The following SGCD variants were observed in gnomAD, a reference collection of about 807,000 sequenced individuals.
SGCD encodes delta-sarcoglycan.
A neutral mutation model predicts 36.6 loss-of-function variants in SGCD; 18 were observed. The observed-to-expected ratio is 0.49, with a 90% CI of 0.34 to 0.73. The LOEUF (loss-of-function observed/expected upper bound fraction) is 0.73, where lower values mean the gene tolerates loss of function less well. SGCD is among the 30% of genes least tolerant of loss of function. The probability of loss-of-function intolerance (pLI) is 0.01; values close to 1 mark genes in which losing one functional copy is unlikely to be tolerated. For synonymous variants in SGCD, 133 were observed against 130.6 expected (o/e 1.02, Z -0.12); for missense variants, 387 against 346.7 (o/e 1.12, Z -0.92).
chr5:156,553,103 G>C (rs552248193), intron 4 of SGCD, among the ~76,000 whole-genome samples: 110 of 152,248 alleles, frequency 7.2e-4, no homozygotes, highest in Non-Finnish European at 1.2e-3. Context: ...TGAAGCAAGA[G>C]AGGTGGAGAG....
intron 3 of SGCD, among the ~76,000 whole-genome samples, chr5:156,426,306 A>G (rs1361889969): frequency 1.3e-5 from 2 of 151,964 alleles, no homozygotes; most frequent in African/African-American, 4.8e-5. Flanking sequence ...TGTGGTTTTG[A>G]TTTGCATTTC....
intron 7 of SGCD, among the ~76,000 whole-genome samples, chr5:156,657,164 A>G (rs1763717511): frequency 6.6e-6 from 1 of 151,986 alleles, no homozygotes; most frequent in African/African-American, 2.4e-5. Flanking sequence ...AGGCTTGGTA[A>G]TTCTCCGCAC....
At chr5:156,759,071 C>A in intron 8 of SGCD, 146 bp from the exon 9 acceptor site, 1 of 625,932 alleles carries the variant, frequency 1.6e-6, no homozygotes, top group Non-Finnish European at 2.9e-6. Flanking sequence ...TGTTGGTATC[C>A]AAATCCCCAG....
At chr5:156,132,933 A>T (rs902863964) in intron 3 of SGCD, among the ~76,000 whole-genome samples, 2 of 152,200 alleles carry the variant, frequency 1.3e-5, no homozygotes, top group Non-Finnish European at 1.5e-5. Flanking sequence ...GTGAAAAGAG[A>T]AGAATCTGGC....
chr5:155,777,912 G>T, the SGCD span, among the ~76,000 whole-genome samples: 13,892 of 152,152 alleles, frequency 0.091, 815 homozygotes, highest in South Asian at 0.2. Context: ...TCCAGCCACA[G>T]ACATTTTCTT....
At chr5:156,479,812 C>T (rs771401514) in intron 3 of SGCD, among the ~76,000 whole-genome samples, 4 of 152,182 alleles carry the variant, frequency 2.6e-5, no homozygotes, top group Non-Finnish European at 5.9e-5. Context: ...TGACACAAAT[C>T]ACCCATTCAC....
At chr5:156,413,921 G>A (rs909413177) in intron 3 of SGCD, among the ~76,000 whole-genome samples, 3 of 152,130 alleles carry the variant, frequency 2.0e-5, no homozygotes, top group African/African-American at 7.2e-5. Context: ...CAGTACTGAG[G>A]TTTTGGAGAT....
chr5:156,657,504 T>G (rs1442340955), intron 7 of SGCD, among the ~76,000 whole-genome samples: 1 of 150,534 alleles, frequency 6.6e-6, no homozygotes, highest in East Asian at 2.0e-4. Context: ...GGCTCATGCC[T>G]ATGATCCCAG....
intron 1 of SGCD, among the ~76,000 whole-genome samples, chr5:156,056,295 A>G (rs1329852474): frequency 6.8e-6 from 1 of 146,220 alleles, no homozygotes; most frequent in Non-Finnish European, 1.5e-5. Flanking sequence ...CCCTTTACTG[A>G]AACAAATCCC....
chr5:156,647,580 T>C, intron 7 of SGCD, 44 bp downstream of exon 7: 1 of 1,271,002 alleles, frequency 7.9e-7, no homozygotes, highest in Non-Finnish European at 1.1e-6. Flanking sequence ...GGCTATTGCC[T>C]TGCTCTGTGC....
intron 1 of SGCD, among the ~76,000 whole-genome samples, chr5:155,945,728 G>A (rs1757424761): frequency 6.6e-6 from 1 of 152,206 alleles, no homozygotes; most frequent in African/African-American, 2.4e-5. Context: ...AGAAGAGGAG[G>A]TGGATGGCGA....
intron 1 of SGCD, among the ~76,000 whole-genome samples, chr5:156,093,630 T>C (rs2127594877): frequency 6.6e-6 from 1 of 152,306 alleles, no homozygotes; most frequent in African/African-American, 2.4e-5. Flanking sequence ...CCCAGTTTGA[T>C]TGGGATCCCA....
chr5:156,542,749 T>C (rs920673845), intron 4 of SGCD, among the ~76,000 whole-genome samples: 12 of 152,162 alleles, frequency 7.9e-5, no homozygotes, highest in African/African-American at 2.9e-4. Context: ...CCTCAATCTC[T>C]ATTCTTTGCT....
intron 3 of SGCD, among the ~76,000 whole-genome samples, chr5:156,261,626 A>G (rs1246146644): frequency 6.6e-6 from 1 of 152,134 alleles, no homozygotes; most frequent in Non-Finnish European, 1.5e-5. Flanking sequence ...CTTTCTATTT[A>G]TATATAAAAA....
upstream of SGCD, among the ~76,000 whole-genome samples, chr5:155,868,056 C>CT (rs796673246): frequency 5.6e-4 from 82 of 145,770 alleles, 1 homozygote; most frequent in East Asian, 2.2e-3. Context: ...TGAAGATGAT[C>CT]TTTTTTTTTT....
chr5:156,119,974 G>A (rs1761995762), intron 2 of SGCD, among the ~76,000 whole-genome samples: 1 of 152,140 alleles, frequency 6.6e-6, no homozygotes, highest in Admixed American at 6.6e-5. Flanking sequence ...ACTCTCCCAT[G>A]CAGACACTGG....
chr5:156,258,900 G>GT (rs991295585), intron 3 of SGCD, among the ~76,000 whole-genome samples: 3 of 151,964 alleles, frequency 2.0e-5, no homozygotes, highest in African/African-American at 7.2e-5. Flanking sequence ...CCTTAAGAGA[G>GT]TAAAGGGGTT....
chr5:156,303,949 A>T (rs1767128949), intron 3 of SGCD, among the ~76,000 whole-genome samples: 1 of 151,422 alleles, frequency 6.6e-6, no homozygotes, highest in African/African-American at 2.4e-5. Context: ...TGACACAAGC[A>T]CTCCCTTGGC....
At chr5:155,790,371 TC>T in the SGCD span, among the ~76,000 whole-genome samples, 2 of 152,024 alleles carry the variant, frequency 1.3e-5, no homozygotes, top group Non-Finnish European at 2.9e-5. Flanking sequence ...AACTTAAACT[TC>T]CAGAGAATCA....
Sources: gnomAD v4.1 joint callset for allele counts (sites outside exome capture counted in the v4.1 genomes callset) on GRCh38, gnomAD v4.1.1 for gene constraint, MANE v1.5 for transcripts, NCBI Gene and HGNC (gene_info 2026-07-23, HGNC 2026-07-21) for gene names.